Variants in PDGFRA observed in about 807,000 individuals in gnomAD.
PDGFRA encodes the protein platelet derived growth factor receptor alpha.
PDGFRA carries 25 observed loss-of-function variants against 121.5 expected under a neutral mutation model. That is an observed-to-expected ratio of 0.21 (90% CI 0.15 to 0.29). The LOEUF is 0.29. Among genes scored for constraint, PDGFRA ranks in the 10% least tolerant of loss-of-function variants. The probability of loss-of-function intolerance (pLI) is 1.00; values close to 1 mark genes in which losing one functional copy is unlikely to be tolerated. For missense variants in PDGFRA, 1,008 were observed against 1,345.1 expected, an observed-to-expected ratio of 0.75 and a Z score of 3.92; for synonymous variants, 463 against 494.8, an observed-to-expected ratio of 0.94 and a Z score of 0.85.
intron 12 of PDGFRA, 39 bp downstream of exon 12, chr4:54,275,012 C>G (rs1560480882): frequency 6.2e-7 from 1 of 1,611,092 alleles, no homozygotes; most frequent in Non-Finnish European, 8.5e-7. Flanking sequence ...CTCCCTTTTC[C>G]CTTGCACACA....
At chr4:54,229,932 AG>A (rs1257939046) in intron 1 of PDGFRA, 1 of 18,298 alleles carries the variant, frequency 5.5e-5, no homozygotes, top group Non-Finnish European at 1.1e-4. Flanking sequence ...CTGGGGGACC[AG>A]GGGGAGGTGG....
At chr4:54,267,215 T>C in intron 5 of PDGFRA, 74 bp from the exon 6 acceptor site, 3 of 1,364,574 alleles carry the variant, frequency 2.2e-6, no homozygotes, top group Non-Finnish European at 3.1e-6. Context: ...TCATCCAGAG[T>C]CCATAGTTTA....
Position 54,263,906 on chromosome 4 carries a change from T to C in PDGFRA, c.607T>C (p.Phe203Leu). 1 of 1,613,968 alleles carries C rather than the reference T, an allele frequency of 6.2e-7. No homozygotes were observed. Among genetic ancestry groups the C allele is most frequent in the Non-Finnish European group, 8.5e-7 (1 of 1,179,972 alleles). Residue 203 changes from phenylalanine (F) to leucine (L), a missense_variant, in exon 4 of 23, where the codon TTT (phenylalanine) becomes CTT (leucine). This residue lies in a region of PDGFRA where 575 missense variants were observed against 701.8 expected (regional missense o/e 0.82). Transcript: ENST00000257290. ...VKGKKFQTIP[F>L]NVYALKATSE... is the part of the protein sequence containing the mutation. ...AGGAAAGAAGTTCCAGACCATCCCA[T>C]TTAATGTTTATGCTTTAAAAGGTAC...
intron 1 of PDGFRA, among the ~76,000 whole-genome samples, chr4:54,251,060 C>T (rs1263543555): frequency 2.9e-5 from 4 of 136,076 alleles, no homozygotes; most frequent in African/African-American, 8.3e-5. Flanking sequence ...AGGGAAACTC[C>T]GTCTCAAAAA....
chr4:54,247,032 C>A (rs2110205567), intron 1 of PDGFRA, among the ~76,000 whole-genome samples: 1 of 152,294 alleles, frequency 6.6e-6, no homozygotes, highest in African/African-American at 2.4e-5. Context: ...GAAGTTGATT[C>A]TCTGAATAGA....
intron 8 of PDGFRA, 62 bp from the exon 9 acceptor site, chr4:54,272,332 T>C (rs980208793): frequency 6.3e-7 from 1 of 1,585,614 alleles, no homozygotes; most frequent in Non-Finnish European, 8.7e-7. Context: ...TATTCCACTT[T>C]GTAGTCTCAT....
In PDGFRA at chr4:54,272,475, C is replaced by T. The variant is rs143344944; in HGVS notation, c.1319C>T (p.Thr440Met). The change falls in exon 9 of 23, where the codon ACG (threonine) becomes ATG (methionine). Residue 440 changes from threonine (T) to methionine (M), a missense_variant. This residue lies in a region of PDGFRA where 575 missense variants were observed against 701.8 expected (regional missense o/e 0.82). Coordinates refer to ENST00000257290, the MANE Select transcript of PDGFRA (RefSeq NM_006206.6). ...ACGGTGAGGTGCACAGCTGAAGGCA[C>T]GCCGCTTCCTGATATTGAGTGGATG... ...GQTVRCTAEGTPLPDIEWMIC... is the reference protein window; with the variant it reads ...GQTVRCTAEGMPLPDIEWMIC... The T allele has an allele frequency of 8.9e-5, 143 of 1,613,932 alleles. No homozygotes were observed. The highest frequency in any genetic ancestry group is 3.3e-4 in the East Asian group (15 of 44,848).
chr4:54,261,925 ATATATATTTT>A (rs1376095537), intron 3 of PDGFRA, among the ~76,000 whole-genome samples: 3 of 72,644 alleles, frequency 4.1e-5, no homozygotes, highest in Non-Finnish European at 5.1e-5. Context: ...ATATATATAT[ATATATATTTT>A]TTTTTTTTTT....
rs1577744655 is a variant in PDGFRA, at chr4:54,287,626, G to A, written c.2674+85G>A. 29 of 773,676 alleles carry A rather than the reference G, an allele frequency of 3.7e-5. No individual in the cohort carries two copies. The East Asian group carries it at 6.8e-4, about 18-fold the overall frequency. 47.9% of individuals were successfully genotyped at this position (773,676 alleles called of 1,614,324 possible). On this transcript the variant is annotated intron_variant, in intron 19 of 22. Transcript: ENST00000257290. Reference sequence around the variant, plus strand: ...GTGTTCTTTCAAGCCCCAGGATGTAGACAGTGTTAAGATAACCTGGTGTGA... The same window carrying A: ...GTGTTCTTTCAAGCCCCAGGATGTAAACAGTGTTAAGATAACCTGGTGTGA...
At chr4:54,254,251 G>A (rs1235506792) in intron 1 of PDGFRA, among the ~76,000 whole-genome samples, 1 of 152,166 alleles carries the variant, frequency 6.6e-6, no homozygotes, top group Non-Finnish European at 1.5e-5. Context: ...TGAGTAAACT[G>A]TCTGAGTTAT....
intron 1 of PDGFRA, among the ~76,000 whole-genome samples, chr4:54,231,293 A>G (rs902550620): frequency 1.3e-4 from 20 of 152,332 alleles, no homozygotes; most frequent in Admixed American, 1.2e-3. Flanking sequence ...CGGTGTGGGA[A>G]ATGGCTTTTT....
chr4:54,252,786 A>G (rs1259897640), intron 1 of PDGFRA, among the ~76,000 whole-genome samples: 1 of 151,512 alleles, frequency 6.6e-6, no homozygotes, highest in Non-Finnish European at 1.5e-5. Context: ...GCACTGTGCA[A>G]TTGGTGATTG....
intron 9 of PDGFRA, among the ~76,000 whole-genome samples, 177 bp downstream of exon 9, chr4:54,272,697 G>C (rs578153335): frequency 4.6e-5 from 7 of 152,238 alleles, no homozygotes; most frequent in Non-Finnish European, 1.0e-4. Flanking sequence ...GCTCTCATTA[G>C]ACCTTCAAAA....
intron 22 of PDGFRA, among the ~76,000 whole-genome samples, chr4:54,292,743 C>T (rs374884045): frequency 2.0e-5 from 3 of 151,886 alleles, no homozygotes; most frequent in East Asian, 1.9e-4. Flanking sequence ...TGGATGGAGC[C>T]GGAGGTCACT....
chr4:54,297,447 A>G lies in PDGFRA; in HGVS notation c.*2175A>G. 4.3e-6 allele frequency: 1 copy of G among 233,702 alleles called. No homozygotes were observed. The highest frequency in any genetic ancestry group is 8.5e-6 in the Non-Finnish European group (1 of 118,062). The allele number at this position is 233,702 out of a possible 1,614,324, so 14.5% of individuals were successfully genotyped here. A position where few individuals can be genotyped will look rare whatever the true frequency, so the allele number is the denominator to read the frequency against. On this transcript the variant is annotated 3_prime_UTR_variant, in exon 23 of 23. Transcript: ENST00000257290. ...GACTAGGTTCTGTAGAGCCAATTAG[A>G]CTTGAAATACGTTTGTGTTTCTAGA...
intron 1 of PDGFRA, among the ~76,000 whole-genome samples, chr4:54,244,515 T>C (rs1721507882): frequency 6.6e-6 from 1 of 152,130 alleles, no homozygotes; most frequent in African/African-American, 2.4e-5. Flanking sequence ...ATCCTGTCTG[T>C]TAGAAGGAAA....
rs1288872182 is a variant in PDGFRA, at chr4:54,245,783, G to T, written c.-12-12974G>T. On this transcript the variant is annotated intron_variant, in intron 1 of 22. Transcript: ENST00000257290. ...CACAGACTGGCAAATTGGATAAAGA[G>T]TCAAGACCCATCAGTGTGCTGTATT... Among the ~76,000 whole-genome samples the T allele has an allele frequency of 2.6e-5, 4 of 152,264 alleles. No homozygotes were observed. The East Asian group carries it at 7.7e-4, about 29-fold the overall frequency.
rs761961392 is a variant in PDGFRA, at chr4:54,273,638, C to G, written c.1466C>G (p.Thr489Ser). The G allele has an allele frequency of 1.9e-6, 3 of 1,613,994 alleles. No homozygotes were observed. In the South Asian group the frequency reaches 3.3e-5, roughly 18 times the overall value. Reference sequence around the variant, plus strand: ...AGGAGTACCGTGGAGGGCCGTGTGACTTTCGCCAAAGTGGAGGAGACCATC... The same window carrying G: ...AGGAGTACCGTGGAGGGCCGTGTGAGTTTCGCCAAAGTGGAGGAGACCATC... ...RDRSTVEGRV[T>S]FAKVEETIAV... is the part of the protein sequence containing the mutation. The change falls in exon 10 of 23, where the codon ACT becomes AGT. Residue 489 changes from threonine (T) to serine (S), a missense_variant. Around this residue, in one of 5 missense-constraint regions of PDGFRA, gnomAD observed 575 missense variants for 701.8 expected, o/e 0.82. Coordinates refer to ENST00000257290, the MANE Select transcript of PDGFRA (RefSeq NM_006206.6).
At chr4:54,254,344 A>G (rs1033175514) in intron 1 of PDGFRA, among the ~76,000 whole-genome samples, 1 of 152,230 alleles carries the variant, frequency 6.6e-6, no homozygotes, top group Non-Finnish European at 1.5e-5. Flanking sequence ...GGAGTTTGGA[A>G]TCTTAAGCAA....
Sources: gnomAD v4.1 joint callset for allele counts (sites outside exome capture counted in the v4.1 genomes callset) on GRCh38, gnomAD v4.1.1 for gene constraint, gnomAD v4.1.1 regional missense constraint, MANE v1.5 for transcripts, NCBI Gene and HGNC (gene_info 2026-07-23, HGNC 2026-07-21) for gene names.